The following SYN3 variants were observed in gnomAD, a reference collection of about 807,000 sequenced individuals.
SYN3 encodes synapsin III, also known as synapsin-3.
In SYN3, 35 loss-of-function variants were observed where a neutral mutation model predicts 65.8. The observed-to-expected ratio is 0.53, with a 90% CI of 0.41 to 0.70. The LOEUF (loss-of-function observed/expected upper bound fraction) is 0.70. Ranked by LOEUF, SYN3 falls within the 30% of genes least tolerant of loss-of-function variation. SYN3 has a pLI of 0.00. For synonymous variants in SYN3, 270 were observed against 292.9 expected, an observed-to-expected ratio of 0.92 and a Z score of 0.80; for missense variants, 680 against 749.0, an observed-to-expected ratio of 0.91 and a Z score of 1.08.
intron 6 of SYN3, among the ~76,000 whole-genome samples, chr22:32,601,329 G>A (rs1421312127): frequency 6.6e-6 from 1 of 151,252 alleles, no homozygotes. Flanking sequence ...CCAGGCTGGA[G>A]TGCAGTGGTG....
intron 3 of SYN3, among the ~76,000 whole-genome samples, chr22:32,934,734 A>AAT (rs1175437452): frequency 6.6e-6 from 1 of 152,218 alleles, no homozygotes; most frequent in African/African-American, 2.4e-5. Context: ...GATACCTGTG[A>AAT]ATGTGACCTC....
intron 8 of SYN3, among the ~76,000 whole-genome samples, chr22:32,538,434 G>T (rs1006233300): frequency 6.6e-6 from 1 of 152,168 alleles, no homozygotes; most frequent in African/African-American, 2.4e-5. Flanking sequence ...AGGGCAGTGT[G>T]TATAGCCCCT....
chr22:32,639,360 T>C (rs2146869932), intron 6 of SYN3, among the ~76,000 whole-genome samples: 1 of 152,326 alleles, frequency 6.6e-6, no homozygotes, highest in South Asian at 2.1e-4. Context: ...GGGAGTCCTT[T>C]CCCCATTGCT....
At chr22:32,919,647 T>A (rs946077666) in intron 4 of SYN3, among the ~76,000 whole-genome samples, 6 of 152,216 alleles carry the variant, frequency 3.9e-5, no homozygotes, top group African/African-American at 1.4e-4. Context: ...TATCTGGAAT[T>A]TGAAATTAAA....
chr22:32,834,097 C>T (rs1011053077), intron 6 of SYN3, among the ~76,000 whole-genome samples: 4 of 151,850 alleles, frequency 2.6e-5, no homozygotes, highest in African/African-American at 9.7e-5. Flanking sequence ...TCTGTTATTC[C>T]AGCCAGGAAC....
intron 3 of SYN3, among the ~76,000 whole-genome samples, chr22:32,971,358 C>T (rs148347261): frequency 9.9e-5 from 15 of 152,256 alleles, no homozygotes; most frequent in African/African-American, 3.6e-4. Flanking sequence ...GACCTGCACG[C>T]TTTTAAAAAT....
At chr22:32,965,786 C>T (rs1569363187) in intron 3 of SYN3, among the ~76,000 whole-genome samples, 1 of 152,118 alleles carries the variant, frequency 6.6e-6, no homozygotes, top group Non-Finnish European at 1.5e-5. Context: ...GCTCCGCCTC[C>T]CGGGTTCGCG....
chr22:32,784,482 A>G (rs1438958379), intron 6 of SYN3, among the ~76,000 whole-genome samples: 1 of 152,230 alleles, frequency 6.6e-6, no homozygotes, highest in Non-Finnish European at 1.5e-5. Context: ...CCATCAATCA[A>G]GTGAGTGAGG....
chr22:32,830,526 C>T (rs2047541233), intron 6 of SYN3, among the ~76,000 whole-genome samples: 1 of 152,188 alleles, frequency 6.6e-6, no homozygotes, highest in Non-Finnish European at 1.5e-5. Context: ...AATCCTGGAA[C>T]GGAAGCTCTT....
At chr22:32,846,268 T>C (rs1569271431) in intron 6 of SYN3, among the ~76,000 whole-genome samples, 1 of 152,204 alleles carries the variant, frequency 6.6e-6, no homozygotes, top group East Asian at 1.9e-4. Flanking sequence ...AAATACCTCC[T>C]ATACTTGTTC....
intron 12 of SYN3, among the ~76,000 whole-genome samples, chr22:32,525,895 A>C (rs1015717078): frequency 6.6e-6 from 1 of 152,182 alleles, no homozygotes; most frequent in African/African-American, 2.4e-5. Flanking sequence ...TCTTGTGTGA[A>C]AGGGTGAGTC....
At chr22:32,782,869 C>G (rs891592235) in intron 6 of SYN3, among the ~76,000 whole-genome samples, 1 of 152,180 alleles carries the variant, frequency 6.6e-6, no homozygotes. Context: ...TATGGATCTG[C>G]GCCCTGAAGG....
At chr22:32,990,400 CCATCCAGCCATCCAT>C (rs1205683949) in intron 2 of SYN3, among the ~76,000 whole-genome samples, 2 of 124,272 alleles carry the variant, frequency 1.6e-5, no homozygotes, top group Non-Finnish European at 3.3e-5. Context: ...ATCCATCCAT[CCATCCAGCCATCCAT>C]CCATCCATCC....
chr22:32,923,656 G>A (rs1164697457), intron 4 of SYN3, among the ~76,000 whole-genome samples: 1 of 152,286 alleles, frequency 6.6e-6, no homozygotes, highest in East Asian at 1.9e-4. Context: ...GGCCCTATAT[G>A]CCTGTGGAAG....
At chr22:32,883,590 G>A (rs1469638164) in intron 4 of SYN3, among the ~76,000 whole-genome samples, 2 of 152,186 alleles carry the variant, frequency 1.3e-5, no homozygotes, top group Non-Finnish European at 2.9e-5. Flanking sequence ...GAATTGACCT[G>A]AAGTGCCCAC....
intron 6 of SYN3, among the ~76,000 whole-genome samples, chr22:32,695,434 T>G (rs1873213336): frequency 1.3e-5 from 2 of 152,210 alleles, no homozygotes; most frequent in Admixed American, 1.3e-4. Flanking sequence ...TTCTCAGGGA[T>G]GGAGTCAAGC....
At chr22:32,719,752 G>C (rs903343545) in intron 6 of SYN3, among the ~76,000 whole-genome samples, 1 of 152,190 alleles carries the variant, frequency 6.6e-6, no homozygotes. Flanking sequence ...GGAGGCTGAG[G>C]TGGGAGGATG....
chr22:32,961,033 T>A, intron 3 of SYN3, among the ~76,000 whole-genome samples: 1 of 152,178 alleles, frequency 6.6e-6, no homozygotes, highest in Admixed American at 6.5e-5. Context: ...GTTTTTGAGT[T>A]GTTCGGTCTA....
intron 6 of SYN3, among the ~76,000 whole-genome samples, chr22:32,601,960 G>A (rs1197035106): frequency 2.0e-5 from 3 of 149,036 alleles, no homozygotes; most frequent in African/African-American, 7.4e-5. Context: ...TTTTTTTTGT[G>A]ACACTTCTTT....
Sources: allele counts gnomAD v4.1 joint callset (sites outside exome capture counted in the v4.1 genomes callset), GRCh38; gene constraint gnomAD v4.1.1; transcripts MANE v1.5; gene names NCBI Gene and HGNC (gene_info 2026-07-23, HGNC 2026-07-21).